CNTNAP5: variants seen among roughly 807,000 people sequenced by gnomAD.
CNTNAP5 encodes the protein contactin associated protein family member 5.
CNTNAP5 carries 72 observed loss-of-function variants against 150.2 expected under a neutral mutation model. The ratio of observed to expected loss-of-function variants is 0.48; its 90% CI spans 0.40 to 0.58. The LOEUF is 0.58. Among genes scored for constraint, CNTNAP5 ranks in the 20% least tolerant of loss-of-function variants. The pLI is 0.00. For synonymous variants in CNTNAP5, 672 were observed against 619.8 expected, an observed-to-expected ratio of 1.08 and a Z score of -1.25; for missense variants, 1,636 against 1,626.2, an observed-to-expected ratio of 1.01 and a Z score of -0.10.
chr2:124,458,894 A>G (rs1693183951), intron 6 of CNTNAP5, among the ~76,000 whole-genome samples: 1 of 152,226 alleles, frequency 6.6e-6, no homozygotes, highest in African/African-American at 2.4e-5. Flanking sequence ...TATATTGTAA[A>G]GACCAACACT....
chr2:124,353,750 TCTA>T (rs1689931162), intron 3 of CNTNAP5, among the ~76,000 whole-genome samples: 1 of 152,132 alleles, frequency 6.6e-6, no homozygotes, highest in African/African-American at 2.4e-5. Flanking sequence ...GAATTAACAG[TCTA>T]CAACAGTTAA....
At chr2:124,423,907 G>C (rs367714242) in intron 4 of CNTNAP5, among the ~76,000 whole-genome samples, 1 of 150,958 alleles carries the variant, frequency 6.6e-6, no homozygotes, top group African/African-American at 2.4e-5. Flanking sequence ...CTCGTGATCC[G>C]CCCGCCTCGG....
chr2:124,188,498 T>C (rs1573821272), intron 1 of CNTNAP5, among the ~76,000 whole-genome samples: 1 of 151,928 alleles, frequency 6.6e-6, no homozygotes, highest in East Asian at 1.9e-4. Flanking sequence ...GGTGGGCGGA[T>C]CATGAGGTCA....
At chr2:124,044,155 C>A (rs185684918) in intron 1 of CNTNAP5, among the ~76,000 whole-genome samples, 1 of 152,310 alleles carries the variant, frequency 6.6e-6, no homozygotes, top group East Asian at 1.9e-4. Flanking sequence ...TAGCCTCTGT[C>A]TATAGCAATA....
chr2:124,833,533 A>G (rs1486454949), intron 19 of CNTNAP5, among the ~76,000 whole-genome samples: 1 of 152,198 alleles, frequency 6.6e-6, no homozygotes, highest in Admixed American at 6.5e-5. Context: ...TTTATTCAGA[A>G]GTCTTACTGA....
intron 8 of CNTNAP5, among the ~76,000 whole-genome samples, chr2:124,510,299 A>ATATATATCTATATATC (rs1223601694): frequency 2.4e-4 from 1 of 4,196 alleles, no homozygotes; most frequent in African/African-American, 3.8e-4. Flanking sequence ...ATATCTATAT[A>ATATATATCTATATATC]TCTATATATA....
At chr2:124,242,525 A>G (rs1205726336) in intron 3 of CNTNAP5, 132 bp downstream of exon 3, 10 of 887,656 alleles carry the variant, frequency 1.1e-5, no homozygotes, top group Non-Finnish European at 3.4e-6. Flanking sequence ...AGAAATAATT[A>G]GACAATTTTT....
intron 22 of CNTNAP5, among the ~76,000 whole-genome samples, chr2:124,908,389 G>GAAAA (rs969565918): frequency 6.6e-6 from 1 of 150,968 alleles, no homozygotes; most frequent in Non-Finnish European, 1.5e-5. Context: ...GAAAAGAAAA[G>GAAAA]AAAAAAACAA....
chr2:124,370,536 G>C (rs1690498892), intron 3 of CNTNAP5, among the ~76,000 whole-genome samples: 1 of 152,156 alleles, frequency 6.6e-6, no homozygotes, highest in African/African-American at 2.4e-5. Flanking sequence ...TGATGTCCTT[G>C]AGAGAAAACT....
Position 124,876,962 on chromosome 2 carries a change from G to C in CNTNAP5, c.3436+7200G>C, listed in dbSNP as rs577002958. ...GTAATCATCCTAACTTCCCAAACAC[G>C]CATGTCTTATATTTTCTACTTTGTA... On this transcript the variant is annotated intron_variant, in intron 21 of 23. Coordinates refer to ENST00000682447, the MANE Select transcript of CNTNAP5 (RefSeq NM_001367498.1). Among the ~76,000 whole-genome samples the C allele has an allele frequency of 2.6e-5, 4 of 152,024 alleles. No homozygotes were observed. In the East Asian group the frequency reaches 7.7e-4, roughly 29 times the overall value.
chr2:124,644,204 A>G lies in CNTNAP5; in HGVS notation c.1877-3554A>G, dbSNP rs141550948. Among the ~76,000 whole-genome samples, 10 of 152,346 alleles carry G rather than the reference A, an allele frequency of 6.6e-5. No homozygotes were observed. In the East Asian group the frequency reaches 1.2e-3, roughly 18 times the overall value. On this transcript the variant is annotated intron_variant, in intron 12 of 23. Coordinates refer to ENST00000682447, the MANE Select transcript of CNTNAP5 (RefSeq NM_001367498.1). ...AAAAAATCATTCAAAGATGACTGTC[A>G]CATAAACCTCTCCAGCTCAAACCAC... is the stretch of plus-strand genomic sequence containing the variant.
chr2:124,533,228 C>T (rs1695150432), intron 10 of CNTNAP5, among the ~76,000 whole-genome samples: 1 of 152,078 alleles, frequency 6.6e-6, no homozygotes, highest in African/African-American at 2.4e-5. Flanking sequence ...TTAAGGAGAC[C>T]CCTACTTCTA....
At chr2:124,501,966 G>A (rs1251334202) in intron 7 of CNTNAP5, among the ~76,000 whole-genome samples, 1 of 152,152 alleles carries the variant, frequency 6.6e-6, no homozygotes, top group African/African-American at 2.4e-5. Context: ...GGCTTCACAG[G>A]GGCAAGAATG....
At chr2:124,820,537 G>A (rs1573639217) in intron 19 of CNTNAP5, among the ~76,000 whole-genome samples, 1 of 110,136 alleles carries the variant, frequency 9.1e-6, no homozygotes, top group Non-Finnish European at 2.2e-5. Context: ...ACAAAGGAAA[G>A]GGGGGGGAGA....
intron 1 of CNTNAP5, among the ~76,000 whole-genome samples, chr2:124,088,214 T>TCA (rs1460223713): frequency 6.6e-6 from 1 of 152,210 alleles, no homozygotes; most frequent in Non-Finnish European, 1.5e-5. Flanking sequence ...TTTCTGCTAT[T>TCA]AAGACTATCA....
intron 19 of CNTNAP5, among the ~76,000 whole-genome samples, chr2:124,859,618 AT>A: frequency 6.6e-6 from 1 of 152,358 alleles, no homozygotes; most frequent in African/African-American, 2.4e-5. Flanking sequence ...ACGTATGTTT[AT>A]TGCAGCACTA....
In CNTNAP5 at chr2:124,266,824, G is replaced by T. The variant is rs189311701; in HGVS notation, c.381+24431G>T. Reference sequence around the variant, plus strand: ...GGATTCATCTGACAAGCGACACTTTGTCTTTTGTGTGCTAGCCTGGGAATG... The same window carrying T: ...GGATTCATCTGACAAGCGACACTTTTTCTTTTGTGTGCTAGCCTGGGAATG... On this transcript the variant is annotated intron_variant, in intron 3 of 23. Coordinates refer to ENST00000682447, the MANE Select transcript of CNTNAP5 (RefSeq NM_001367498.1). Among the ~76,000 whole-genome samples, 416 of 152,276 alleles carry T rather than the reference G, an allele frequency of 2.7e-3. 4 individuals carry two copies. The highest frequency in any genetic ancestry group is 4.3e-3 in the Non-Finnish European group (290 of 68,022).
At chr2:124,562,968 T>A (rs1258299042) in intron 10 of CNTNAP5, among the ~76,000 whole-genome samples, 1 of 152,212 alleles carries the variant, frequency 6.6e-6, no homozygotes, top group African/African-American at 2.4e-5. Context: ...AATATTAACA[T>A]CCTTAACTTA....
intron 7 of CNTNAP5, among the ~76,000 whole-genome samples, chr2:124,501,377 GC>G (rs1391555371): frequency 6.6e-6 from 1 of 152,134 alleles, no homozygotes; most frequent in East Asian, 1.9e-4. Context: ...GGACAAATGG[GC>G]TTTGGGGAAT....
Sources: allele counts gnomAD v4.1 joint callset (sites outside exome capture counted in the v4.1 genomes callset), GRCh38; gene constraint gnomAD v4.1.1; transcripts MANE v1.5; gene names NCBI Gene and HGNC (gene_info 2026-07-23, HGNC 2026-07-21).